Variants in PLCB3 observed in about 807,000 individuals in gnomAD.
The protein encoded by PLCB3 is phospholipase C beta 3, also known as 1-phosphatidylinositol 4,5-bisphosphate phosphodiesterase beta-3.
In PLCB3, 54 loss-of-function variants were observed where a neutral mutation model predicts 152.1. The observed-to-expected ratio is 0.36, with a 90% CI of 0.29 to 0.45. The LOEUF (loss-of-function observed/expected upper bound fraction) is 0.45, where lower values mean the gene tolerates loss of function less well. Among genes scored for constraint, PLCB3 ranks in the 20% least tolerant of loss-of-function variants. The pLI is 1.00. For missense variants in PLCB3, 1,248 were observed against 1,687.5 expected, an observed-to-expected ratio of 0.74 and a Z score of 4.56; for synonymous variants, 717 against 698.7, an observed-to-expected ratio of 1.03 and a Z score of -0.41.
Position 64,260,237 on chromosome 11 carries a change from C to T in PLCB3, c.1731+3C>T, listed in dbSNP as rs1195544078. 1.3e-6 allele frequency: 2 copies of T among 1,552,202 alleles called. No individual in the cohort carries two copies. The highest frequency in any genetic ancestry group is 1.7e-6 in the Non-Finnish European group (2 of 1,147,970). On this transcript the variant is annotated splice_donor_region_variant and intron_variant, in intron 14 of 30. Coordinates refer to ENST00000279230, the MANE Select transcript of PLCB3 (RefSeq NM_000932.5). ...CCAAAAAGCCAACTACAGATGAGGT[C>T]AGGCCCACAGGGTGGGCAGGTCGGG...
rs375603428 is a variant in PLCB3 at position 64,263,815 on chromosome 11, G to A, written c.2560+20G>A. 2.6e-5 allele frequency: 42 copies of A among 1,593,224 alleles called. No homozygotes were observed. In the African/African-American group the frequency reaches 5.1e-4, roughly 19 times the overall value. The stretch of plus-strand genomic sequence containing the variant: ...ACCAGGGTGAGCTGGGGGTGGGCGG[G>A]GCCTGCCTGGCCAGGGAGTGTGAGG... On this transcript the variant is annotated intron_variant, in intron 21 of 30. Coordinates refer to ENST00000279230, the MANE Select transcript of PLCB3 (RefSeq NM_000932.5).
chr11:64,256,600 G>T lies in PLCB3; in HGVS notation c.866-18G>T. On this transcript the variant is annotated intron_variant, in intron 9 of 30. Coordinates refer to ENST00000279230, the MANE Select transcript of PLCB3 (RefSeq NM_000932.5). ...AGGTGGGACCCCAGCTGACCCTGCT[G>T]ATCCTCTCCCACCCCAGACCAGATG... 3 of 1,613,772 alleles carry T rather than the reference G, an allele frequency of 1.9e-6. No homozygotes were observed. In the Admixed American group the frequency reaches 5.0e-5, roughly 27 times the overall value.
chr11:64,251,544 G>T lies in PLCB3; in HGVS notation c.-106G>T, dbSNP rs1348551641. ...CGGTCCGGGACAGACTGGCGGGCGGGCGGGCACTGACGCCGCGGGGCCGGA... is the reference window on the plus strand; with the variant it reads ...CGGTCCGGGACAGACTGGCGGGCGGTCGGGCACTGACGCCGCGGGGCCGGA... On this transcript the variant is annotated 5_prime_UTR_variant, in exon 1 of 31. Transcript: ENST00000279230. 12 of 322,250 alleles carry T rather than the reference G, an allele frequency of 3.7e-5. No homozygotes were observed. The highest frequency in any genetic ancestry group is 5.7e-5 in the Non-Finnish European group (11 of 194,104). 20.0% of individuals were successfully genotyped at this position (322,250 alleles called of 1,614,324 possible).
rs2135070215 is a variant in PLCB3 at position 64,267,190 on chromosome 11, G to A, written c.3420G>A (p.Glu1140=). 2 of 1,550,126 alleles carry A rather than the reference G, an allele frequency of 1.3e-6. No homozygotes were observed. Among genetic ancestry groups the A allele is most frequent in the Non-Finnish European group, 1.7e-6 (2 of 1,146,964 alleles). Residue 1140 remains glutamate, a synonymous_variant, in exon 30 of 31, where the codon GAG becomes GAA. Transcript: ENST00000279230. This position sits in a 1 kb window ranked among gnomAD's most constrained non-coding sequence, Gnocchi z 5.2. ...GCCCTTGCCCACCCCTGTAGCTGGA[G>A]GAGGCCCAGAAGCAGCGGCATGACC... ...TESVNSIRRL[E]EAQKQRHDRL...
intron 18 of PLCB3, 40 bp from the exon 19 acceptor site, chr11:64,262,607 A>C (rs1591111580): frequency 6.2e-7 from 1 of 1,611,784 alleles, no homozygotes; most frequent in Non-Finnish European, 8.5e-7. Context: ...TGGGGGCAGG[A>C]CTCTCAGCAT....
chr11:64,256,907 G>A (rs2031561471), intron 10 of PLCB3, 143 bp downstream of exon 10: 2 of 894,446 alleles, frequency 2.2e-6, no homozygotes, highest in Admixed American at 5.3e-5. Context: ...CAGGCAGCCA[G>A]CCCTGAGCAG....
rs1343050785 is a variant in PLCB3, at chr11:64,267,321, C to A, written c.3502-32C>A. On this transcript the variant is annotated intron_variant, in intron 30 of 30. Transcript: ENST00000279230. The surrounding 1 kb of genome is among the most constrained non-coding windows in gnomAD (Gnocchi z 5.2). ...GCAGACGGGGTGCAAGGCAGCCAGG[C>A]CTCGCCTGTGATGCCCATCCTTCTC... is the stretch of plus-strand genomic sequence containing the variant. The A allele has an allele frequency of 2.6e-6, 4 of 1,550,240 alleles. No homozygotes were observed. The highest frequency in any genetic ancestry group is 3.5e-6 in the Non-Finnish European group (4 of 1,146,396).
At chr11:64,252,548 C>T (rs553238567) in intron 1 of PLCB3, among the ~76,000 whole-genome samples, 2 of 152,376 alleles carry the variant, frequency 1.3e-5, no homozygotes, top group African/African-American at 4.8e-5. Flanking sequence ...AGCTTCCTCG[C>T]AGCTCCTTCC....
chr11:64,265,529 A>G (rs1427685724), intron 25 of PLCB3, 27 bp downstream of exon 25: 5 of 1,578,392 alleles, frequency 3.2e-6, no homozygotes, highest in East Asian at 2.3e-5. Flanking sequence ...CCTGTGTGCT[A>G]TGTGTGCTGG....
Position 64,258,937 on chromosome 11 carries a change from G to A in PLCB3, c.1306G>A (p.Ala436Thr). The part of the protein sequence containing the change: ...AEYCRSIFGD[A>T]LLIEPLDKYP... ...GTACTGCCGCTCCATCTTTGGAGAC[G>A]CGCTACTCATCGAGCCTCTGGACAA... Residue 436 changes from alanine (A) to threonine (T), a missense_variant, in exon 12 of 31, where the codon GCG becomes ACG. Physicochemically the swap from Ala to Thr is moderately conservative, Grantham distance 58. Coordinates refer to ENST00000279230, the MANE Select transcript of PLCB3 (RefSeq NM_000932.5). The surrounding 1 kb of genome is among the most constrained non-coding windows in gnomAD (Gnocchi z 7.2). 1.2e-6 allele frequency: 2 copies of A among 1,613,884 alleles called. No homozygotes were observed. Among genetic ancestry groups the A allele is most frequent in the Non-Finnish European group, 1.7e-6 (2 of 1,179,980 alleles).
At position 64,255,061 on chromosome 11, in the gene PLCB3, A is replaced by G. The variant is rs764831153; in HGVS notation, c.387+23A>G. 6.4e-7 allele frequency: 1 copy of G among 1,573,824 alleles called. No homozygotes were observed. The highest frequency in any genetic ancestry group is 2.2e-5 in the East Asian group (1 of 44,456). On this transcript the variant is annotated intron_variant, in intron 4 of 30. Transcript: ENST00000279230. This position sits in a 1 kb window ranked among gnomAD's most constrained non-coding sequence, Gnocchi z 6.8. ...AAGGTGGGCTGGCACCAAGGGGACGAAGGGGGAGTCACTGTCTTATTCTGT... is the reference window on the plus strand; with the variant it reads ...AAGGTGGGCTGGCACCAAGGGGACGGAGGGGGAGTCACTGTCTTATTCTGT...
chr11:64,259,215 C>T lies in PLCB3; in HGVS notation c.1496C>T (p.Ala499Val), dbSNP rs866502828. Residue 499 changes from alanine (A) to valine (V), a missense_variant, in exon 13 of 31, where the codon GCG becomes GTG. Coordinates refer to ENST00000279230, the MANE Select transcript of PLCB3 (RefSeq NM_000932.5). ...QSNSALSESSAATEPSSPQLG... is the reference protein window; with the variant it reads ...QSNSALSESSVATEPSSPQLG... ...AATTCTGCCCTGAGCGAGAGCTCCGCGGCCACCGAGCCCTCCTCCCCGCAG... is the reference window on the plus strand; with the variant it reads ...AATTCTGCCCTGAGCGAGAGCTCCGTGGCCACCGAGCCCTCCTCCCCGCAG... 15 of 1,558,196 alleles carry T rather than the reference C, an allele frequency of 9.6e-6. No individual in the cohort carries two copies. The highest frequency in any genetic ancestry group is 3.5e-5 in the South Asian group (3 of 85,818).
At chr11:64,257,016 T>TTTTTTTTTTTTTTC (rs771872374) in intron 10 of PLCB3, among the ~76,000 whole-genome samples, 7 of 120,586 alleles carry the variant, frequency 5.8e-5, no homozygotes, top group Admixed American at 9.7e-5. Context: ...TTTTTTTTTT[T>TTTTTTTTTTTTTTC]TTTTTGAGAC....
chr11:64,267,613 G>C lies in PLCB3; in HGVS notation c.*57G>C. The C allele has an allele frequency of 8.3e-7, 1 of 1,205,892 alleles. No individual in the cohort carries two copies. The highest frequency in any genetic ancestry group is 1.1e-6 in the Non-Finnish European group (1 of 869,926). 74.7% of individuals were successfully genotyped at this position (1,205,892 alleles called of 1,614,324 possible). On this transcript the variant is annotated 3_prime_UTR_variant, in exon 31 of 31. Coordinates refer to ENST00000279230, the MANE Select transcript of PLCB3 (RefSeq NM_000932.5). This position sits in a 1 kb window ranked among gnomAD's most constrained non-coding sequence, Gnocchi z 5.2. ...GCGGGCGCTGGGTGGAGGGCAGGAG[G>C]CAATGACACTAATGCTTTTTTTTTT...
In PLCB3 at chr11:64,267,623, T is replaced by A. The variant is rs1407418618; in HGVS notation, c.*67T>A. 5 of 951,242 alleles carry A rather than the reference T, an allele frequency of 5.3e-6. No homozygotes were observed. Among genetic ancestry groups the A allele is most frequent in the Non-Finnish European group, 7.7e-6 (5 of 653,052 alleles). 58.9% of individuals were successfully genotyped at this position (951,242 alleles called of 1,614,324 possible). A position where few individuals can be genotyped will look rare whatever the true frequency, so the allele number is the denominator to read the frequency against. ...GGTGGAGGGCAGGAGGCAATGACAC[T>A]AATGCTTTTTTTTTTTTTTTTTAAC... is the stretch of plus-strand genomic sequence containing the variant. On this transcript the variant is annotated 3_prime_UTR_variant, in exon 31 of 31. Transcript: ENST00000279230. This position sits in a 1 kb window ranked among gnomAD's most constrained non-coding sequence, Gnocchi z 5.2.
chr11:64,253,611 C>T (rs1826503610), intron 1 of PLCB3, among the ~76,000 whole-genome samples: 1 of 152,222 alleles, frequency 6.6e-6, no homozygotes, highest in South Asian at 2.1e-4. Context: ...CTGGCCCTGG[C>T]CGAGTCTAAG....
At chr11:64,259,393 T>A (rs2031725937) in intron 13 of PLCB3, 149 bp downstream of exon 13, 1 of 679,696 alleles carries the variant, frequency 1.5e-6, no homozygotes, top group Non-Finnish European at 2.4e-6. Context: ...CCTCACCACC[T>A]GTCGGCTGGT....
At position 64,265,043 on chromosome 11, in the gene PLCB3, C is replaced by G. The variant is rs780421001; in HGVS notation, c.2745C>G (p.Ala915=). 3.4e-6 allele frequency: 5 copies of G among 1,467,808 alleles called. No homozygotes were observed. In the South Asian group the frequency reaches 3.9e-5, roughly 11 times the overall value. 90.9% of individuals were successfully genotyped at this position (1,467,808 alleles called of 1,614,324 possible). ...SSNPTPSPLD[A]SPRRPPGPTT... is the part of the protein sequence containing the mutation. ...ACCCCACCCCCAGCCCACTGGATGC[C>G]TCCCCCCGCCGGCCCCCTGGCCCCA... Residue 915 remains alanine, a synonymous_variant, in exon 23 of 31, where the codon GCC becomes GCG. Transcript: ENST00000279230.
At chr11:64,269,325 C>T (rs2032315555), downstream of PLCB3, among the ~76,000 whole-genome samples, 1 of 152,234 alleles carries the variant, frequency 6.6e-6, no homozygotes, top group Admixed American at 6.5e-5. Context: ...GGCCGTGGCG[C>T]AATGCATCTC....
Sources: gnomAD v4.1 joint callset for allele counts (sites outside exome capture counted in the v4.1 genomes callset) on GRCh38, gnomAD v4.1.1 for gene constraint, Gnocchi (gnomAD v3.1) non-coding constraint, MANE v1.5 for transcripts, NCBI Gene and HGNC (gene_info 2026-07-23, HGNC 2026-07-21) for gene names.